ZNF839: variants seen among roughly 807,000 people sequenced by gnomAD.
The protein encoded by ZNF839 is renal carcinoma antigen NY-REN-50.
In ZNF839, 38 loss-of-function variants were observed where a neutral mutation model predicts 56.4. That is an observed-to-expected ratio of 0.67 (90% CI 0.52 to 0.88). ZNF839 has a LOEUF of 0.88. Ranked by LOEUF, ZNF839 falls within the 40% of genes least tolerant of loss-of-function variation. The pLI is 0.00. For synonymous variants in ZNF839, 486 were observed against 493.5 expected, an observed-to-expected ratio of 0.98 and a Z score of 0.20; for missense variants, 1,091 against 1,177.6, an observed-to-expected ratio of 0.93 and a Z score of 1.08.
chr14:102,327,924 G>A (rs1049965460), intron 2 of ZNF839, among the ~76,000 whole-genome samples: 9 of 152,100 alleles, frequency 5.9e-5, no homozygotes, highest in African/African-American at 2.2e-4. Context: ...AGGAGTCCCT[G>A]GGGGTGCTTC....
chr14:102,338,079 C>G (rs770172590), intron 5 of ZNF839, among the ~76,000 whole-genome samples: 4 of 152,174 alleles, frequency 2.6e-5, no homozygotes, highest in Non-Finnish European at 5.9e-5. Flanking sequence ...GCCTTTTTAC[C>G]AGCTGGGAAG....
At position 102,324,845 on chromosome 14, in the gene ZNF839, G is replaced by A. The variant is rs372542675; in HGVS notation, c.289-1140G>A. On this transcript the variant is annotated intron_variant, in intron 1 of 7. Transcript: ENST00000442396. ...CGTGCCTGTAATCCCAGATACTTGG[G>A]AGACTGAGGCAGGAAAATTGCTTGA... Among the ~76,000 whole-genome samples, 40 of 152,126 alleles carry A rather than the reference G, an allele frequency of 2.6e-4. No individual in the cohort carries two copies. In the South Asian group the frequency reaches 4.6e-3, roughly 17 times the overall value.
Position 102,320,009 on chromosome 14 carries a change from C to T in ZNF839, c.244C>T (p.Arg82Trp), listed in dbSNP as rs1200182140. ...AAQQAALQRG[R>W]GTEPPRLPRL... The stretch of plus-strand genomic sequence containing the variant: ...CCAACAGGCCGCCCTGCAGCGGGGC[C>T]GGGGCACCGAGCCCCCGCGCCTGCC... Residue 82 changes from arginine to tryptophan, a missense_variant, in exon 1 of 8, where the codon CGG becomes TGG. Transcript: ENST00000442396. 7 of 1,180,946 alleles carry T rather than the reference C, an allele frequency of 5.9e-6. No individual in the cohort carries two copies. Among genetic ancestry groups the T allele is most frequent in the Non-Finnish European group, 7.3e-6 (7 of 956,034 alleles). 73.2% of individuals were successfully genotyped at this position (1,180,946 alleles called of 1,614,324 possible).
In ZNF839 at chr14:102,320,112, G is replaced by A. The variant is rs1442513095; in HGVS notation, c.288+59G>A. 2.7e-6 allele frequency: 3 copies of A among 1,130,416 alleles called. No individual in the cohort carries two copies. In the East Asian group the frequency reaches 1.3e-4, roughly 48 times the overall value. The allele number at this position is 1,130,416 out of a possible 1,614,324, so 70.0% of individuals were successfully genotyped here. A position where few individuals can be genotyped will look rare whatever the true frequency, so the allele number is the denominator to read the frequency against. On this transcript the variant is annotated intron_variant, in intron 1 of 7. Coordinates refer to ENST00000442396, the MANE Select transcript of ZNF839 (RefSeq NM_018335.6). The stretch of plus-strand genomic sequence containing the variant: ...GCCCGAAGGGGGCCGACGCCCCGCG[G>A]CGGGGTAGCTGCTTGTCCGGGGAGG...
intron 5 of ZNF839, 60 bp downstream of exon 5, chr14:102,335,898 G>T: frequency 1.3e-6 from 2 of 1,581,130 alleles, no homozygotes; most frequent in Admixed American, 1.7e-5. Flanking sequence ...AGAAAGAAGG[G>T]CCACGTGCAG....
At position 102,341,762 on chromosome 14, in the gene ZNF839, C is replaced by T. The variant is rs769427392; in HGVS notation, c.2367C>T (p.Ser789=). ...ACCACCAGCAGCCCAGCCCCACCAG[C>T]GTCCTGCCTACAGAGGTGGCAGCCC... is the stretch of plus-strand genomic sequence containing the variant. ...HLNHQQPSPT[S]VLPTEVAAPP... Residue 789 remains serine (S), a synonymous_variant, in exon 8 of 8, where the codon AGC becomes AGT. Transcript: ENST00000442396. The T allele has an allele frequency of 2.7e-5, 43 of 1,613,912 alleles. No homozygotes were observed. In the Middle Eastern group the frequency reaches 6.6e-4, roughly 25 times the overall value.
intron 2 of ZNF839, among the ~76,000 whole-genome samples, chr14:102,328,016 A>G (rs1246581105): frequency 6.6e-6 from 1 of 152,084 alleles, no homozygotes; most frequent in Non-Finnish European, 1.5e-5. Context: ...AGTAGGTGTG[A>G]GTCGCTATGA....
At chr14:102,330,434 A>G (rs567525917) in intron 2 of ZNF839, among the ~76,000 whole-genome samples, 60 of 150,748 alleles carry the variant, frequency 4.0e-4, no homozygotes, top group African/African-American at 1.4e-3. Context: ...GGGTTTTACT[A>G]TGTTGGCCAG....
At position 102,334,641 on chromosome 14, in the gene ZNF839, A is replaced by G. The variant is rs1186342408; in HGVS notation, c.1504A>G (p.Met502Val). 6.2e-7 allele frequency: 1 copy of G among 1,607,578 alleles called. No individual in the cohort carries two copies. Among genetic ancestry groups the G allele is most frequent in the Non-Finnish European group, 8.5e-7 (1 of 1,175,080 alleles). The part of the protein sequence containing the change: ...QVVTVYEFLL[M>V]KVEKDHLAKP... ...TGTGACCGTGTATGAGTTTCTTCTG[A>G]TGAAGGTGAGTACTCTTAGTGTTTC... The change falls in exon 4 of 8, where the codon ATG (methionine) becomes GTG (valine). Residue 502 changes from methionine (M) to valine (V), a missense_variant. Around this residue, in one of 3 missense-constraint regions of ZNF839, gnomAD observed 46 missense variants for 80.4 expected, o/e 0.57. Transcript: ENST00000442396.
rs1399732731 is a variant in ZNF839, at chr14:102,331,738, A to G, written c.1308A>G (p.Ala436=). Reference sequence around the variant, plus strand: ...GACGCGCATGCTCAGAGACCCTTGCAGAGTCCCGCACAGCTGTCCTCCAGC... The same window carrying G: ...GACGCGCATGCTCAGAGACCCTTGCGGAGTCCCGCACAGCTGTCCTCCAGC... The part of the protein sequence containing the change: ...PRRRACSETL[A]ESRTAVLQQR... The change falls in exon 3 of 8, where the codon GCA becomes GCG. Residue 436 remains alanine (A), a synonymous_variant. Transcript: ENST00000442396. 1.9e-6 allele frequency: 3 copies of G among 1,605,714 alleles called. No homozygotes were observed. In the Admixed American group the frequency reaches 5.1e-5, roughly 27 times the overall value.
At chr14:102,339,341 G>C (rs1172039462) in intron 7 of ZNF839, 118 bp downstream of exon 7, 2 of 1,357,422 alleles carry the variant, frequency 1.5e-6, no homozygotes, top group Non-Finnish European at 2.0e-6. Context: ...GATTTAAGGG[G>C]ACCCTCTGGT....
chr14:102,328,366 AAAAAAAAAAATATATAT>A (rs1312947128), intron 2 of ZNF839, among the ~76,000 whole-genome samples: 4 of 52,776 alleles, frequency 7.6e-5, no homozygotes, highest in Non-Finnish European at 1.4e-4. Flanking sequence ...AAAAAAAAAA[AAAAAAAAAAATATATAT>A]ATATATATAT....
intron 1 of ZNF839, among the ~76,000 whole-genome samples, chr14:102,324,280 C>A (rs1396436515): frequency 3.9e-5 from 6 of 152,172 alleles, no homozygotes; most frequent in Non-Finnish European, 8.8e-5. Context: ...CACGGTGGTT[C>A]ATGCCTGTAA....
intron 2 of ZNF839, among the ~76,000 whole-genome samples, chr14:102,327,199 G>A (rs1002205160): frequency 6.6e-6 from 1 of 152,052 alleles, no homozygotes; most frequent in Non-Finnish European, 1.5e-5. Flanking sequence ...GGAGCACAGT[G>A]GCCTGATCTT....
At chr14:102,324,505 T>G (rs1003551953) in intron 1 of ZNF839, among the ~76,000 whole-genome samples, 3 of 152,020 alleles carry the variant, frequency 2.0e-5, no homozygotes, top group Non-Finnish European at 4.4e-5. Flanking sequence ...ATAGCGCCAC[T>G]GCATTCCAGC....
Position 102,322,325 on chromosome 14 carries a change from G to A in ZNF839, c.288+2272G>A, listed in dbSNP as rs549839346. Among the ~76,000 whole-genome samples the A allele has an allele frequency of 5.3e-5, 8 of 152,314 alleles. No individual in the cohort carries two copies. In the East Asian group the frequency reaches 1.4e-3, roughly 26 times the overall value. ...AGGAGATCCGATTCAGCAGGTCTGC[G>A]GGGACTGAGGTATGGCAGGGGAAAC... On this transcript the variant is annotated intron_variant, in intron 1 of 7. Transcript: ENST00000442396.
rs774265739 is a variant in ZNF839 at position 102,341,680 on chromosome 14, G to A, written c.2285G>A (p.Gly762Glu). The A allele has an allele frequency of 6.2e-7, 1 of 1,613,978 alleles. No homozygotes were observed. Among genetic ancestry groups the A allele is most frequent in the Non-Finnish European group, 8.5e-7 (1 of 1,179,868 alleles). Residue 762 changes from glycine (G) to glutamate (E), a missense_variant, in exon 8 of 8, where the codon GGG becomes GAG. Transcript: ENST00000442396. ...SGGGAESLPP[G>E]GPGHAEAGHL... ...GGTGGAGCAGAGTCCCTGCCGCCTGGGGGGCCTGGACATGCAGAGGCAGGA... is the reference window on the plus strand; with the variant it reads ...GGTGGAGCAGAGTCCCTGCCGCCTGAGGGGCCTGGACATGCAGAGGCAGGA...
At chr14:102,322,873 G>T (rs948176708) in intron 1 of ZNF839, among the ~76,000 whole-genome samples, 1 of 152,298 alleles carries the variant, frequency 6.6e-6, no homozygotes, top group East Asian at 1.9e-4. Context: ...AAAGAGATGG[G>T]GTTCTTGAAG....
chr14:102,329,854 C>T (rs1265744282), intron 2 of ZNF839, among the ~76,000 whole-genome samples: 9 of 130,846 alleles, frequency 6.9e-5, no homozygotes, highest in Non-Finnish European at 1.2e-4. Flanking sequence ...AGTGTAATGG[C>T]GTAATATCAG....
Sources: allele counts gnomAD v4.1 joint callset (sites outside exome capture counted in the v4.1 genomes callset), GRCh38; gene constraint gnomAD v4.1.1; regional missense constraint gnomAD v4.1.1; transcripts MANE v1.5; gene names NCBI Gene and HGNC (gene_info 2026-07-23, HGNC 2026-07-21).